The following GINS4 variants were observed in gnomAD, a reference collection of about 807,000 sequenced individuals.
GINS4 encodes DNA replication complex GINS protein SLD5.
GINS4 carries 20 observed loss-of-function variants against 31.1 expected under a neutral mutation model. The ratio of observed to expected loss-of-function variants is 0.64; its 90% CI spans 0.45 to 0.93. The LOEUF is 0.93. GINS4 is among the 40% of genes least tolerant of loss of function. The pLI is 0.00. For missense variants in GINS4, 245 were observed against 273.9 expected (o/e 0.89, Z 0.75); for synonymous variants, 85 against 97.9 (o/e 0.87, Z 0.78).
At chr8:41,534,247 A>T (rs1278450746) in intron 2 of GINS4, 9 of 427,752 alleles carry the variant, frequency 2.1e-5, no homozygotes, top group Admixed American at 5.1e-5. Context: ...TTATTAAAAA[A>T]AATTTAAAAA....
rs902011405 is a variant in GINS4, at chr8:41,544,590, T to C, written c.*2503T>C. On this transcript the variant is annotated 3_prime_UTR_variant, in exon 8 of 8. Coordinates refer to ENST00000276533, the MANE Select transcript of GINS4 (RefSeq NM_032336.3). ...GTAAAATCAAGAGTTAGTACTTGAT[T>C]TATGCTTGTTATATAAAGAAAGAGA... The C allele has an allele frequency of 1.3e-5, 2 of 152,200 alleles. No homozygotes were observed. The highest frequency in any genetic ancestry group is 6.5e-5 in the Admixed American group (1 of 15,276). 9.4% of individuals were successfully genotyped at this position (152,200 alleles called of 1,614,324 possible).
Position 41,544,021 on chromosome 8 carries a change from T to G in GINS4, c.*1934T>G, listed in dbSNP as rs1192485761. ...TGCGCACGGCCTGGGGAGGTTTTATTTCTTGACAAAGGTATTTGATACTCG... is the reference window on the plus strand; with the variant it reads ...TGCGCACGGCCTGGGGAGGTTTTATGTCTTGACAAAGGTATTTGATACTCG... On this transcript the variant is annotated 3_prime_UTR_variant, in exon 8 of 8. Transcript: ENST00000276533. The G allele has an allele frequency of 6.6e-6, 1 of 152,160 alleles. No homozygotes were observed. Among genetic ancestry groups the G allele is most frequent in the Non-Finnish European group, 1.5e-5 (1 of 68,056 alleles). 9.4% of individuals were successfully genotyped at this position (152,160 alleles called of 1,614,324 possible). A position where few individuals can be genotyped will look rare whatever the true frequency, so the allele number is the denominator to read the frequency against.
At position 41,530,230 on chromosome 8, in the gene GINS4, C is replaced by T. The variant is rs1806629571; in HGVS notation, c.28C>T (p.Gln10Ter). 1 of 1,613,898 alleles carries T rather than the reference C, an allele frequency of 6.2e-7. No homozygotes were observed. The highest frequency in any genetic ancestry group is 8.5e-7 in the Non-Finnish European group (1 of 1,179,830). Residue 10 changes from glutamine (Q) to a stop codon, truncating the protein, a stop_gained, in exon 2 of 8, where the codon CAG (glutamine) becomes TAG (stop). Transcript: ENST00000276533. LOFTEE classifies it high-confidence loss of function. ...GACCGAAGAAGTGGATTTCCTGGGA[C>T]AGGACTCTGATGGGGGTAGTGAGGA... is the stretch of plus-strand genomic sequence containing the variant. MTEEVDFLG[Q>*]DSDGGSEEVV...
intron 2 of GINS4, among the ~76,000 whole-genome samples, chr8:41,532,882 C>A (rs959820218): frequency 6.6e-6 from 1 of 151,716 alleles, no homozygotes; most frequent in Admixed American, 6.6e-5. Flanking sequence ...TATATACTGC[C>A]GTGGGATATA....
intron 4 of GINS4, among the ~76,000 whole-genome samples, chr8:41,539,330 A>AC (rs1435609795): frequency 7.0e-6 from 1 of 143,216 alleles, no homozygotes; most frequent in Non-Finnish European, 1.5e-5. Flanking sequence ...AAAAAAAAAA[A>AC]AAAAAAAAAA....
intron 3 of GINS4, 41 bp from the exon 4 acceptor site, chr8:41,537,138 GA>G: frequency 7.5e-7 from 1 of 1,335,034 alleles, no homozygotes; most frequent in Non-Finnish European, 1.1e-6. Context: ...GATGATGGTT[GA>G]ACATCATGTT....
Position 41,541,849 on chromosome 8 carries a change from G to A in GINS4, c.525G>A (p.Val175=). The A allele has an allele frequency of 1.2e-6, 2 of 1,614,166 alleles. No individual in the cohort carries two copies. Among genetic ancestry groups the A allele is most frequent in the East Asian group, 4.5e-5 (2 of 44,874 alleles). The change falls in exon 7 of 8, where the codon GTG becomes GTA. Residue 175 remains valine, a synonymous_variant. Coordinates refer to ENST00000276533, the MANE Select transcript of GINS4 (RefSeq NM_032336.3). Reference sequence around the variant, plus strand: ...TAGATTCTTACGTGTTTCTGAGAGTGAGAGAACGACAAGAAAACATACTGG... The same window carrying A: ...TAGATTCTTACGTGTTTCTGAGAGTAAGAGAACGACAAGAAAACATACTGG... ...PDLDSYVFLR[V]RERQENILVE...
intron 1 of GINS4, 62 bp from the exon 2 acceptor site, chr8:41,530,122 G>C: frequency 9.4e-7 from 1 of 1,063,122 alleles, no homozygotes; most frequent in Non-Finnish European, 1.4e-6. Flanking sequence ...CCAGATAGAT[G>C]TCTGTTCTTG....
chr8:41,535,860 A>AT (rs745523215), intron 2 of GINS4, among the ~76,000 whole-genome samples: 1 of 152,114 alleles, frequency 6.6e-6, no homozygotes, highest in Non-Finnish European at 1.5e-5. Flanking sequence ...CTCAATCTGT[A>AT]TTTTTTCAAT....
chr8:41,538,561 TA>T, intron 4 of GINS4, among the ~76,000 whole-genome samples: 1 of 152,260 alleles, frequency 6.6e-6, no homozygotes, highest in Middle Eastern at 3.4e-3. Context: ...TCCTTAAGTG[TA>T]GGGCTTGATA....
intron 2 of GINS4, among the ~76,000 whole-genome samples, chr8:41,533,474 G>C (rs1563253592): frequency 6.6e-6 from 1 of 152,190 alleles, no homozygotes; most frequent in African/African-American, 2.4e-5. Context: ...GTAAGCTGCA[G>C]TAACATCTCA....
chr8:41,534,340 A>G, intron 2 of GINS4: 1 of 339,668 alleles, frequency 2.9e-6, no homozygotes, highest in Non-Finnish European at 6.1e-6. Context: ...CTTGGAGGTC[A>G]AGAATGCAGT....
chr8:41,536,405 C>A lies in GINS4; in HGVS notation c.142C>A (p.Pro48Thr). ...TGCCCCTGAGCTGCTGGAGAGCAAG[C>A]CTGAGATTGTAGAATGTGTCATGGA... ...KFAPELLESK[P>T]EIVECVMEQL... The change falls in exon 3 of 8, where the codon CCT becomes ACT. Residue 48 changes from proline (P) to threonine (T), a missense_variant. Transcript: ENST00000276533. The A allele has an allele frequency of 6.2e-7, 1 of 1,612,162 alleles. No homozygotes were observed. Among genetic ancestry groups the A allele is most frequent in the Non-Finnish European group, 8.5e-7 (1 of 1,178,294 alleles).
chr8:41,539,791 G>A lies in GINS4; in HGVS notation c.395+16G>A, dbSNP rs372725593. 33 of 1,605,768 alleles carry A rather than the reference G, an allele frequency of 2.1e-5. No homozygotes were observed. Among genetic ancestry groups the A allele is most frequent in the Middle Eastern group, 1.7e-4 (1 of 6,058 alleles). On this transcript the variant is annotated intron_variant, in intron 5 of 7. Transcript: ENST00000276533. ...TTGCCAGAGAGTGAGTGAGTGAGCC[G>A]TTGGCGTGGGGCACCTGGCTGGTTC...
chr8:41,536,286 G>C, intron 2 of GINS4, 74 bp from the exon 3 acceptor site: 1 of 886,368 alleles, frequency 1.1e-6, no homozygotes, highest in South Asian at 1.3e-5. Context: ...GTTTTCGTTG[G>C]ACTTGGGCTG....
intron 3 of GINS4, among the ~76,000 whole-genome samples, chr8:41,536,752 C>G (rs1806747402): frequency 6.6e-6 from 1 of 152,208 alleles, no homozygotes; most frequent in South Asian, 2.1e-4. Context: ...CCCTGACTAC[C>G]CACCCTTCTC....
chr8:41,542,379 C>T lies in GINS4; in HGVS notation c.*292C>T. ...AGCCTGGGTGACAGTGAGACTTTGT[C>T]TCAAAAAAAAAAACAAAAAACAAAA... is the stretch of plus-strand genomic sequence containing the variant. On this transcript the variant is annotated 3_prime_UTR_variant, in exon 8 of 8. Transcript: ENST00000276533. 3.7e-6 allele frequency: 1 copy of T among 271,898 alleles called. No homozygotes were observed. Among genetic ancestry groups the T allele is most frequent in the Non-Finnish European group, 6.8e-6 (1 of 147,652 alleles). 16.8% of individuals were successfully genotyped at this position (271,898 alleles called of 1,614,324 possible).
chr8:41,533,213 T>C (rs530425990), intron 2 of GINS4, among the ~76,000 whole-genome samples: 2 of 152,142 alleles, frequency 1.3e-5, no homozygotes, highest in African/African-American at 4.8e-5. Flanking sequence ...CCATAAAATA[T>C]GAGCTGCCAA....
chr8:41,539,328 A>T (rs922707833), intron 4 of GINS4, among the ~76,000 whole-genome samples: 3 of 142,738 alleles, frequency 2.1e-5, no homozygotes, highest in African/African-American at 8.5e-5. Context: ...TCAAAAAAAA[A>T]AAAAAAAAAA....
Sources: gnomAD v4.1 joint callset for allele counts (sites outside exome capture counted in the v4.1 genomes callset) on GRCh38, gnomAD v4.1.1 for gene constraint, MANE v1.5 for transcripts, NCBI Gene and HGNC (gene_info 2026-07-23, HGNC 2026-07-21) for gene names.